The following GRIA4 variants were observed in gnomAD, a reference collection of about 807,000 sequenced individuals.
The protein encoded by GRIA4 is glutamate receptor 4.
GRIA4 carries 34 observed loss-of-function variants against 104.0 expected under a neutral mutation model. The ratio of observed to expected loss-of-function variants is 0.33; its 90% CI spans 0.25 to 0.44. The LOEUF (loss-of-function observed/expected upper bound fraction) is 0.44, where lower values mean the gene tolerates loss of function less well. Ranked by LOEUF, GRIA4 falls within the 20% of genes least tolerant of loss-of-function variation. The pLI is 1.00. For missense variants in GRIA4, 750 were observed against 1,096.5 expected (o/e 0.68, Z 4.46); for synonymous variants, 386 against 381.9 (o/e 1.01, Z -0.13).
intron 3 of GRIA4, among the ~76,000 whole-genome samples, chr11:105,624,599 C>T (rs886402699): frequency 9.2e-5 from 14 of 152,010 alleles, no homozygotes; most frequent in Admixed American, 7.9e-4. Context: ...ATTAGGTTAT[C>T]CTTGGTTAAT....
intron 4 of GRIA4, among the ~76,000 whole-genome samples, chr11:105,760,399 C>T (rs1350006387): frequency 6.6e-6 from 1 of 152,150 alleles, no homozygotes; most frequent in Non-Finnish European, 1.5e-5. Context: ...GGCCCCAGTA[C>T]TGCCCTCCTT....
At chr11:105,613,103 C>G (rs922728853) in intron 3 of GRIA4, 2 of 152,254 alleles carry the variant, frequency 1.3e-5, no homozygotes, top group Admixed American at 6.6e-5. Context: ...GGCTCCCATC[C>G]ACCTGAATTC....
At chr11:105,612,572 T>G (rs1434834338) in intron 3 of GRIA4, 138 bp downstream of exon 3, 2 of 626,226 alleles carry the variant, frequency 3.2e-6, no homozygotes, top group East Asian at 2.8e-5. Flanking sequence ...CAAATCAGAG[T>G]TAAAAACAAG....
intron 3 of GRIA4, among the ~76,000 whole-genome samples, chr11:105,743,660 A>G (rs903167420): frequency 2.0e-5 from 3 of 152,122 alleles, no homozygotes; most frequent in African/African-American, 7.2e-5. Context: ...TGGGACCTCA[A>G]ACTCAACATG....
chr11:105,683,700 T>C (rs1393816664), intron 3 of GRIA4, among the ~76,000 whole-genome samples: 2 of 152,204 alleles, frequency 1.3e-5, no homozygotes, highest in Non-Finnish European at 2.9e-5. Flanking sequence ...ATCATCTCCT[T>C]TAGCAAGTAA....
chr11:105,625,215 C>T (rs1020468233), intron 3 of GRIA4, among the ~76,000 whole-genome samples: 1 of 151,900 alleles, frequency 6.6e-6, no homozygotes, highest in South Asian at 2.1e-4. Context: ...AGGATGATAC[C>T]GTACTAAAGA....
intron 3 of GRIA4, among the ~76,000 whole-genome samples, chr11:105,705,506 G>A (rs1007839267): frequency 3.3e-5 from 5 of 152,026 alleles, no homozygotes; most frequent in Admixed American, 3.3e-4. Context: ...TTTGCAATGT[G>A]TAACACAAAG....
intron 4 of GRIA4, among the ~76,000 whole-genome samples, chr11:105,765,837 A>T (rs930191672): frequency 5.3e-5 from 8 of 152,208 alleles, no homozygotes; most frequent in African/African-American, 1.9e-4. Flanking sequence ...CCTAACTTGG[A>T]GGAGCTTGCC....
chr11:105,894,151 G>A (rs543857409), intron 6 of GRIA4, among the ~76,000 whole-genome samples: 2 of 152,180 alleles, frequency 1.3e-5, no homozygotes, highest in South Asian at 4.1e-4. Flanking sequence ...TAACAGATGT[G>A]GAATTCAAAG....
intron 3 of GRIA4, among the ~76,000 whole-genome samples, chr11:105,729,975 G>A (rs542101234): frequency 6.5e-4 from 99 of 152,272 alleles, no homozygotes; most frequent in African/African-American, 2.3e-3. Flanking sequence ...GGCACAAGAC[G>A]AGGATGCCCT....
At chr11:105,687,635 T>C (rs1378112498) in intron 3 of GRIA4, among the ~76,000 whole-genome samples, 1 of 152,176 alleles carries the variant, frequency 6.6e-6, no homozygotes, top group East Asian at 1.9e-4. Flanking sequence ...TGTCTATAGA[T>C]ATAAAGCATC....
At chr11:105,756,395 T>G (rs1039591777) in intron 4 of GRIA4, among the ~76,000 whole-genome samples, 1 of 152,168 alleles carries the variant, frequency 6.6e-6, no homozygotes, top group Non-Finnish European at 1.5e-5. Flanking sequence ...CCATCTCTGA[T>G]TCCTAATTAC....
chr11:105,812,445 T>C (rs78827773), intron 4 of GRIA4, among the ~76,000 whole-genome samples: 1 of 152,206 alleles, frequency 6.6e-6, no homozygotes, highest in Non-Finnish European at 1.5e-5. Context: ...CAGCCACACC[T>C]TGATTTGAGT....
chr11:105,812,214 G>C (rs1346784647), intron 4 of GRIA4, among the ~76,000 whole-genome samples: 1 of 152,118 alleles, frequency 6.6e-6, no homozygotes, highest in African/African-American at 2.4e-5. Flanking sequence ...CTGCATGATT[G>C]TCCACTTGCT....
At chr11:105,966,153 A>G (rs1036504972) in intron 14 of GRIA4, 31 of 840,002 alleles carry the variant, frequency 3.7e-5, no homozygotes, top group Admixed American at 2.4e-4. Context: ...TCCTAATACC[A>G]GTCGAATTGC....
At chr11:105,960,148 G>C (rs916132277) in intron 14 of GRIA4, among the ~76,000 whole-genome samples, 22 of 152,234 alleles carry the variant, frequency 1.4e-4, no homozygotes, top group Admixed American at 5.2e-4. Context: ...TTGGTGGAGA[G>C]GGTGTGTTTT....
intron 4 of GRIA4, among the ~76,000 whole-genome samples, chr11:105,825,631 T>G (rs1287829695): frequency 6.6e-6 from 1 of 152,026 alleles, no homozygotes; most frequent in Non-Finnish European, 1.5e-5. Flanking sequence ...TATCTGCATC[T>G]AAGAGACAAA....
At chr11:105,693,520 C>T (rs1248747319) in intron 3 of GRIA4, among the ~76,000 whole-genome samples, 1 of 152,074 alleles carries the variant, frequency 6.6e-6, no homozygotes, top group Non-Finnish European at 1.5e-5. Context: ...GATGCAGGAT[C>T]TTACTGATGG....
intron 16 of GRIA4, among the ~76,000 whole-genome samples, chr11:105,978,164 C>G (rs1430591814): frequency 6.6e-6 from 1 of 151,940 alleles, no homozygotes; most frequent in Non-Finnish European, 1.5e-5. Flanking sequence ...AAGTATCTTC[C>G]TATATAAGGT....
Sources: allele counts gnomAD v4.1 joint callset (sites outside exome capture counted in the v4.1 genomes callset), GRCh38; gene constraint gnomAD v4.1.1; transcripts MANE v1.5; gene names NCBI Gene and HGNC (gene_info 2026-07-23, HGNC 2026-07-21).